MACROD2: variants seen among roughly 807,000 people sequenced by gnomAD.
The protein encoded by MACROD2 is mono-ADP ribosylhydrolase 2, also known as ADP-ribose glycohydrolase MACROD2.
In MACROD2, 36 loss-of-function variants were observed where a neutral mutation model predicts 70.4. The ratio of observed to expected loss-of-function variants is 0.51; its 90% CI spans 0.39 to 0.68. The LOEUF (loss-of-function observed/expected upper bound fraction) is 0.68. MACROD2 is among the 30% of genes least tolerant of loss of function. MACROD2 has a pLI of 0.00. For missense variants in MACROD2, 496 were observed against 538.4 expected, an observed-to-expected ratio of 0.92 and a Z score of 0.78; for synonymous variants, 172 against 178.8, an observed-to-expected ratio of 0.96 and a Z score of 0.30.
At chr20:14,733,144 C>A (rs2071618094) in intron 5 of MACROD2, among the ~76,000 whole-genome samples, 1 of 152,136 alleles carries the variant, frequency 6.6e-6, no homozygotes, top group Non-Finnish European at 1.5e-5. Flanking sequence ...TAACACACTG[C>A]TTTAAAAGAA....
chr20:14,027,592 G>A (rs1046524994), intron 2 of MACROD2, among the ~76,000 whole-genome samples: 4 of 151,670 alleles, frequency 2.6e-5, no homozygotes, highest in South Asian at 2.1e-4. Flanking sequence ...CCTCATCTTC[G>A]TGATGTGGAC....
intron 6 of MACROD2, among the ~76,000 whole-genome samples, chr20:15,359,857 A>G (rs1162701906): frequency 4.6e-5 from 7 of 152,202 alleles, no homozygotes; most frequent in African/African-American, 1.2e-4. Flanking sequence ...TACCAAAACT[A>G]GGAAATTGAC....
intron 3 of MACROD2, among the ~76,000 whole-genome samples, chr20:14,095,213 G>T (rs1361965323): frequency 1.3e-5 from 2 of 151,956 alleles, no homozygotes; most frequent in Non-Finnish European, 2.9e-5. Flanking sequence ...GGATACATTT[G>T]CTTATAAAGG....
At chr20:14,274,067 C>G (rs964058860) in intron 3 of MACROD2, among the ~76,000 whole-genome samples, 2 of 152,164 alleles carry the variant, frequency 1.3e-5, no homozygotes, top group Non-Finnish European at 2.9e-5. Context: ...ACCAGAGGTA[C>G]AAAGAGGAAC....
chr20:15,247,102 C>A (rs1415109558), intron 6 of MACROD2, among the ~76,000 whole-genome samples: 1 of 152,094 alleles, frequency 6.6e-6, no homozygotes, highest in African/African-American at 2.4e-5. Flanking sequence ...TGGAAATGAT[C>A]TGGAATTAAA....
chr20:15,839,380 C>T lies in MACROD2; in HGVS notation c.646-23365C>T, dbSNP rs77805355. ...AAAAGAGTACATCCCGATTCCTTGA[C>T]TTTTTCCTTGGCTCTGTGACTTCTG... is the stretch of plus-strand genomic sequence containing the variant. On this transcript the variant is annotated intron_variant, in intron 8 of 17. Transcript: ENST00000684519. 6.3e-3 allele frequency among the ~76,000 whole-genome samples: 962 copies of T among 152,216 alleles called. 5 individuals are homozygous for T. The highest frequency in any genetic ancestry group is 0.014 in the Middle Eastern group (4 of 294).
intron 5 of MACROD2, among the ~76,000 whole-genome samples, chr20:14,875,653 G>C (rs989574088): frequency 1.2e-4 from 18 of 151,964 alleles, no homozygotes; most frequent in Admixed American, 2.0e-4. Flanking sequence ...CCCCTCTCTA[G>C]TGGTCCCAAT....
rs191679430 is a variant in MACROD2 at position 14,314,526 on chromosome 20, C to T, written c.272-178953C>T. Among the ~76,000 whole-genome samples, 180 of 152,192 alleles carry T rather than the reference C, an allele frequency of 1.2e-3. 1 individual carries two copies. Among genetic ancestry groups the T allele is most frequent in the Non-Finnish European group, 1.9e-3 (132 of 68,004 alleles). Reference sequence around the variant, plus strand: ...CTGTAATCCCAACACTTTGGGAGGCCGAGGTGGGTGGATCACCTGAGGTTG... The same window carrying T: ...CTGTAATCCCAACACTTTGGGAGGCTGAGGTGGGTGGATCACCTGAGGTTG... On this transcript the variant is annotated intron_variant, in intron 3 of 17. Transcript: ENST00000684519.
At chr20:14,429,800 T>A (rs990492894) in intron 3 of MACROD2, among the ~76,000 whole-genome samples, 1 of 152,080 alleles carries the variant, frequency 6.6e-6, no homozygotes, top group Non-Finnish European at 1.5e-5. Context: ...TGGGAAAGAA[T>A]CTATAGATCA....
chr20:14,855,895 T>C (rs192019766), intron 5 of MACROD2, among the ~76,000 whole-genome samples: 8 of 152,166 alleles, frequency 5.3e-5, no homozygotes, highest in Admixed American at 5.2e-4. Flanking sequence ...TAAATAGAAA[T>C]ATCGTATTTC....
At chr20:14,511,208 G>T (rs1283729198) in intron 4 of MACROD2, among the ~76,000 whole-genome samples, 10 of 152,094 alleles carry the variant, frequency 6.6e-5, no homozygotes, top group Admixed American at 6.6e-4. Context: ...GAAGATTAGG[G>T]TTATTTTTTT....
chr20:14,131,471 A>C (rs2054717662), intron 3 of MACROD2, among the ~76,000 whole-genome samples: 1 of 152,230 alleles, frequency 6.6e-6, no homozygotes, highest in Non-Finnish European at 1.5e-5. Context: ...ATTTAAATGC[A>C]GCTTTACAAG....
chr20:15,067,564 G>C (rs2075587286), intron 5 of MACROD2, among the ~76,000 whole-genome samples: 1 of 151,896 alleles, frequency 6.6e-6, no homozygotes, highest in South Asian at 2.1e-4. Flanking sequence ...TGTCTAGGCT[G>C]GTCTCCAACT....
chr20:15,660,199 T>C (rs1363937861), intron 8 of MACROD2, among the ~76,000 whole-genome samples: 1 of 152,190 alleles, frequency 6.6e-6, no homozygotes, highest in Non-Finnish European at 1.5e-5. Flanking sequence ...GTGATGTGCT[T>C]ATTGATTGAC....
intron 5 of MACROD2, among the ~76,000 whole-genome samples, chr20:15,116,996 A>AT (rs959354937): frequency 6.6e-6 from 1 of 152,032 alleles, no homozygotes; most frequent in Non-Finnish European, 1.5e-5. Flanking sequence ...ATGATAAAGC[A>AT]TTTTTTTTCT....
chr20:14,892,427 A>C (rs1179154625), intron 5 of MACROD2, among the ~76,000 whole-genome samples: 1 of 152,120 alleles, frequency 6.6e-6, no homozygotes, highest in African/African-American at 2.4e-5. Context: ...GTGACATTGC[A>C]CTCCAGCCTC....
intron 5 of MACROD2, among the ~76,000 whole-genome samples, chr20:14,719,259 A>G (rs902738963): frequency 8.5e-5 from 13 of 152,054 alleles, no homozygotes; most frequent in Non-Finnish European, 1.8e-4. Context: ...TAGTCATTTT[A>G]TAGTTTAGTC....
rs567830549 is a variant in MACROD2, at chr20:14,995,007, T to A, written c.419-234933T>A. ...AAAAAAAAGTAACAACAAATTTAGTTGTTTTTTTCAAATGAGAATTTTAAT... is the reference window on the plus strand; with the variant it reads ...AAAAAAAAGTAACAACAAATTTAGTAGTTTTTTTCAAATGAGAATTTTAAT... On this transcript the variant is annotated intron_variant, in intron 5 of 17. Transcript: ENST00000684519. 2.0e-5 allele frequency among the ~76,000 whole-genome samples: 3 copies of A among 152,230 alleles called. No homozygotes were observed. The East Asian group carries it at 5.8e-4, about 29-fold the overall frequency.
intron 6 of MACROD2, 143 bp downstream of exon 6, chr20:15,230,204 A>G (rs1362241978): frequency 1.0e-5 from 7 of 685,794 alleles, no homozygotes; most frequent in African/African-American, 1.8e-5. Flanking sequence ...TTTGGTTATC[A>G]TGACTCTAAT....
Sources: allele counts gnomAD v4.1 joint callset (sites outside exome capture counted in the v4.1 genomes callset), GRCh38; gene constraint gnomAD v4.1.1; transcripts MANE v1.5; gene names NCBI Gene and HGNC (gene_info 2026-07-23, HGNC 2026-07-21).